Variants in TBC1D24 observed in about 807,000 individuals in gnomAD.
The protein encoded by TBC1D24 is Infantile myoclonic epilepsy.
A neutral mutation model predicts 50.7 loss-of-function variants in TBC1D24; 47 were observed. That is an observed-to-expected ratio of 0.93 (90% confidence interval 0.73 to 1.18). The LOEUF is 1.18. TBC1D24 is among the 50% of genes most tolerant of loss of function. TBC1D24 has a pLI of 0.00. For missense variants in TBC1D24, 688 were observed against 766.5 expected (o/e 0.90, Z 1.21); for synonymous variants, 324 against 335.2 (o/e 0.97, Z 0.36).
At chr16:2,495,215 G>A (rs983024145) in intron 1 of TBC1D24, among the ~76,000 whole-genome samples, 6 of 152,106 alleles carry the variant, frequency 3.9e-5, no homozygotes, top group East Asian at 1.9e-4. Flanking sequence ...TTAGCTGGGC[G>A]TGGTGGCGCC....
Position 2,475,742 on chromosome 16 carries a change from G to A in TBC1D24, c.-116+572G>A, listed in dbSNP as rs1023639470. ...GGCGGCCGCTGTCCTTCGGGCCCTG[G>A]GAGGTGGAAGCCAGGGACTCCCAGC... On this transcript the variant is annotated intron_variant, in intron 1 of 7. Transcript: ENST00000646147. This position sits in a 1 kb window ranked among gnomAD's most constrained non-coding sequence, Gnocchi z 4.2. Among the ~76,000 whole-genome samples, 1 of 152,172 alleles carries A rather than the reference G, an allele frequency of 6.6e-6. No individual in the cohort carries two copies. The highest frequency in any genetic ancestry group is 2.4e-5 in the African/African-American group (1 of 41,454).
chr16:2,492,753 CT>C (rs2065705940), intron 1 of TBC1D24, among the ~76,000 whole-genome samples: 1 of 152,170 alleles, frequency 6.6e-6, no homozygotes. Context: ...TTAAGGGTTT[CT>C]TTTCTTCTGA....
rs1381978776 is a variant in TBC1D24, at chr16:2,485,838, G to A, written c.-115-10196G>A. 6.6e-6 allele frequency among the ~76,000 whole-genome samples: 1 copy of A among 152,220 alleles called. No homozygotes were observed. The highest frequency in any genetic ancestry group is 1.5e-5 in the Non-Finnish European group (1 of 68,032). Reference sequence around the variant, plus strand: ...GTCAGAGCAGAGGAAAACGTGGTATGAGAGTTTTTCCAAAGAGTCCAGACA... The same window carrying A: ...GTCAGAGCAGAGGAAAACGTGGTATAAGAGTTTTTCCAAAGAGTCCAGACA... On this transcript the variant is annotated intron_variant, in intron 1 of 7. Coordinates refer to ENST00000646147, the MANE Select transcript of TBC1D24 (RefSeq NM_001199107.2). This position sits in a 1 kb window ranked among gnomAD's most constrained non-coding sequence, Gnocchi z 4.6.
At position 2,482,340 on chromosome 16, in the gene TBC1D24, G is replaced by A. The variant is rs2065616109; in HGVS notation, c.-116+7170G>A. On this transcript the variant is annotated intron_variant, in intron 1 of 7. Coordinates refer to ENST00000646147, the MANE Select transcript of TBC1D24 (RefSeq NM_001199107.2). This position sits in a 1 kb window ranked among gnomAD's most constrained non-coding sequence, Gnocchi z 5.2. ...TGGTGGGTGTGCTGGGCAAGGGTGAGGACAGATGTGGACAGGAGGCGTGGA... is the reference window on the plus strand; with the variant it reads ...TGGTGGGTGTGCTGGGCAAGGGTGAAGACAGATGTGGACAGGAGGCGTGGA... Among the ~76,000 whole-genome samples the A allele has an allele frequency of 6.6e-6, 1 of 152,198 alleles. No homozygotes were observed. The highest frequency in any genetic ancestry group is 1.5e-5 in the Non-Finnish European group (1 of 68,040).
chr16:2,496,263 G>C lies in TBC1D24; in HGVS notation c.115G>C (p.Ala39Pro), dbSNP rs770363653. ...TGAACTGCAGGAACTGAAGCAGCTG[G>C]CGCGCCAGGGCTACTGGGCCCAAAG... Reference protein sequence around the residue: ...CTELQELKQLARQGYWAQSHA... With the variant: ...CTELQELKQLPRQGYWAQSHA... Residue 39 changes from alanine (A) to proline (P), a missense_variant, in exon 2 of 8, where the codon GCG becomes CCG. Coordinates refer to ENST00000646147, the MANE Select transcript of TBC1D24 (RefSeq NM_001199107.2). The C allele has an allele frequency of 1.2e-6, 2 of 1,613,820 alleles. No homozygotes were observed. Among genetic ancestry groups the C allele is most frequent in the Admixed American group, 1.7e-5 (1 of 60,034 alleles).
intron 1 of TBC1D24, among the ~76,000 whole-genome samples, chr16:2,491,050 T>C (rs2065691369): frequency 6.6e-6 from 1 of 152,208 alleles, no homozygotes; most frequent in African/African-American, 2.4e-5. Context: ...CAGCCTGGGA[T>C]AGTTTATGTT....
In TBC1D24 at chr16:2,505,093, A is replaced by G. The variant is rs753201548; in HGVS notation, c.*4135A>G. The G allele has an allele frequency of 3.9e-5, 6 of 152,188 alleles. No homozygotes were observed. Among genetic ancestry groups the G allele is most frequent in the Non-Finnish European group, 5.9e-5 (4 of 68,038 alleles). The allele number at this position is 152,188 out of a possible 1,614,324, so 9.4% of individuals were successfully genotyped here. A position where few individuals can be genotyped will look rare whatever the true frequency, so the allele number is the denominator to read the frequency against. On this transcript the variant is annotated 3_prime_UTR_variant, in exon 8 of 8. Coordinates refer to ENST00000646147, the MANE Select transcript of TBC1D24 (RefSeq NM_001199107.2). ...CCTAAATGTCTTGTTTGCGTGGAGAAATTATCAAATGAAGCAGGAGTGCCA... is the reference window on the plus strand; with the variant it reads ...CCTAAATGTCTTGTTTGCGTGGAGAGATTATCAAATGAAGCAGGAGTGCCA...
Position 2,500,932 on chromosome 16 carries a change from G to T in TBC1D24, c.1654G>T (p.Gly552Cys), listed in dbSNP as rs1211014463. 1 of 1,612,184 alleles carries T rather than the reference G, an allele frequency of 6.2e-7. No individual in the cohort carries two copies. The highest frequency in any genetic ancestry group is 8.5e-7 in the Non-Finnish European group (1 of 1,179,932). The change falls in exon 8 of 8, where the codon GGC becomes TGC. Residue 552 changes from glycine to cysteine, a missense_variant. Gly to Cys is a radical substitution (Grantham distance 159). Coordinates refer to ENST00000646147, the MANE Select transcript of TBC1D24 (RefSeq NM_001199107.2). This position sits in a 1 kb window ranked among gnomAD's most constrained non-coding sequence, Gnocchi z 8.0. ...CCTCATTGCTGCCGTGGAGGCCTGG[G>T]GCTTCCAGGACCCTGACACCCAGTG... ...NFLIAAVEAW[G>C]FQDPDTQ
At chr16:2,495,080 C>T (rs149059236) in intron 1 of TBC1D24, among the ~76,000 whole-genome samples, 1 of 152,128 alleles carries the variant, frequency 6.6e-6, no homozygotes, top group East Asian at 1.9e-4. Flanking sequence ...AGGCCAGGAG[C>T]ACTGGCTCAC....
chr16:2,500,662 G>A lies in TBC1D24; in HGVS notation c.1526-142G>A, dbSNP rs569412840. ...AAGGGAGAGACCAGCCTGGACAGCT[G>A]GTCCTGGGGGCTATGGAGGGTCAAC... On this transcript the variant is annotated intron_variant, in intron 7 of 7. Coordinates refer to ENST00000646147, the MANE Select transcript of TBC1D24 (RefSeq NM_001199107.2). The surrounding 1 kb of genome is among the most constrained non-coding windows in gnomAD (Gnocchi z 8.0). The A allele has an allele frequency of 2.3e-5, 31 of 1,333,650 alleles. No homozygotes were observed. In the East Asian group the frequency reaches 4.8e-4, roughly 21 times the overall value. The allele number at this position is 1,333,650 out of a possible 1,614,324, so 82.6% of individuals were successfully genotyped here. A position where few individuals can be genotyped will look rare whatever the true frequency, so the allele number is the denominator to read the frequency against.
chr16:2,491,365 T>C (rs751577652), intron 1 of TBC1D24, among the ~76,000 whole-genome samples: 58 of 152,156 alleles, frequency 3.8e-4, no homozygotes, highest in Non-Finnish European at 5.1e-4. Flanking sequence ...TATTTATGTA[T>C]TTATTTTTTA....
chr16:2,491,118 CCTCA>C lies in TBC1D24; in HGVS notation c.-115-4911_-115-4908del, dbSNP rs201125173. Among the ~76,000 whole-genome samples the C allele has an allele frequency of 7.1e-3, 1,078 of 152,332 alleles. 6 individuals carry two copies. Among genetic ancestry groups the C allele is most frequent in the Non-Finnish European group, 9.6e-3 (653 of 68,042 alleles). On this transcript the variant is annotated intron_variant, in intron 1 of 7. Transcript: ENST00000646147. The stretch of plus-strand genomic sequence containing the variant: ...ATCTCAGTTGCCAGTTTAAAGAAAA[CCTCA>C]CTCAGTTGTGAATGCAAGAAAAAGG...
rs1463855714 is a variant in TBC1D24 at position 2,486,811 on chromosome 16, C to T, written c.-115-9223C>T. ...CTGGGCTGGAATTCTCTGTTTGTCG[C>T]TCGCCCCCGCCTCCAGCATCCCCAA... On this transcript the variant is annotated intron_variant, in intron 1 of 7. Coordinates refer to ENST00000646147, the MANE Select transcript of TBC1D24 (RefSeq NM_001199107.2). This position sits in a 1 kb window ranked among gnomAD's most constrained non-coding sequence, Gnocchi z 5.8. 2.0e-5 allele frequency among the ~76,000 whole-genome samples: 3 copies of T among 152,214 alleles called. No homozygotes were observed. The highest frequency in any genetic ancestry group is 2.9e-5 in the Non-Finnish European group (2 of 68,034).
intron 2 of TBC1D24, 59 bp from the exon 3 acceptor site, chr16:2,497,651 C>T (rs2065755019): frequency 1.3e-6 from 2 of 1,511,092 alleles, no homozygotes; most frequent in Non-Finnish European, 8.9e-7. Context: ...CTCACACTAA[C>T]CTCTCTTTGT....
At chr16:2,492,290 G>T (rs1201920400) in intron 1 of TBC1D24, among the ~76,000 whole-genome samples, 1 of 152,132 alleles carries the variant, frequency 6.6e-6, no homozygotes, top group African/African-American at 2.4e-5. Context: ...TGGCTCGGGG[G>T]TCCCTGTGAG....
chr16:2,501,243 C>T lies in TBC1D24; in HGVS notation c.*285C>T. ...GAAGTACCTTCCTCCTCCGTGGAGG[C>T]TTCCATAGCCCAAGGCCTTGGGAGT... On this transcript the variant is annotated 3_prime_UTR_variant, in exon 8 of 8. Coordinates refer to ENST00000646147, the MANE Select transcript of TBC1D24 (RefSeq NM_001199107.2). 2.0e-6 allele frequency: 1 copy of T among 510,556 alleles called. No individual in the cohort carries two copies. Among genetic ancestry groups the T allele is most frequent in the Non-Finnish European group, 3.6e-6 (1 of 280,156 alleles). 31.6% of individuals were successfully genotyped at this position (510,556 alleles called of 1,614,324 possible).
chr16:2,481,236 T>G (rs918104727), intron 1 of TBC1D24: 1 of 152,238 alleles, frequency 6.6e-6, no homozygotes, highest in Non-Finnish European at 1.5e-5. Flanking sequence ...GGGAAGCATG[T>G]CTTGAATGCC....
rs556747443 is a variant in TBC1D24 at position 2,503,807 on chromosome 16, C to T, written c.*2849C>T. 6 of 152,146 alleles carry T rather than the reference C, an allele frequency of 3.9e-5. No homozygotes were observed. The East Asian group carries it at 5.8e-4, about 15-fold the overall frequency. The allele number at this position is 152,146 out of a possible 1,614,324, so 9.4% of individuals were successfully genotyped here. A position where few individuals can be genotyped will look rare whatever the true frequency, so the allele number is the denominator to read the frequency against. ...ACTCCTGACCTCGTGATCCACCCCC[C>T]CCTCAGCCTCCCAAAGTGCTGGGAT... On this transcript the variant is annotated 3_prime_UTR_variant, in exon 8 of 8. Coordinates refer to ENST00000646147, the MANE Select transcript of TBC1D24 (RefSeq NM_001199107.2).
chr16:2,484,089 G>A (rs2065631059), intron 1 of TBC1D24: 1 of 152,150 alleles, frequency 6.6e-6, no homozygotes, highest in African/African-American at 2.4e-5. Context: ...GGAGGACCAG[G>A]GGGTGGCCAC....
Sources: allele counts gnomAD v4.1 joint callset (sites outside exome capture counted in the v4.1 genomes callset), GRCh38; gene constraint gnomAD v4.1.1; non-coding constraint Gnocchi (gnomAD v3.1); transcripts MANE v1.5; gene names NCBI Gene and HGNC (gene_info 2026-07-23, HGNC 2026-07-21).